Variants in HIPK3 observed in about 807,000 individuals in gnomAD.
HIPK3 encodes homeodomain-interacting protein kinase 3.
A neutral mutation model predicts 124.2 loss-of-function variants in HIPK3; 47 were observed. That is an observed-to-expected ratio of 0.38 (90% confidence interval 0.30 to 0.48). The LOEUF is 0.48. HIPK3 is among the 20% of genes least tolerant of loss of function. The pLI is 0.98. For synonymous variants in HIPK3, 482 were observed against 515.2 expected (o/e 0.94, Z 0.87); for missense variants, 1,286 against 1,454.3 (o/e 0.88, Z 1.88).
intron 1 of HIPK3, among the ~76,000 whole-genome samples, chr11:33,267,496 AT>A (rs1850999735): frequency 7.0e-6 from 1 of 142,486 alleles, no homozygotes; most frequent in East Asian, 2.2e-4. Flanking sequence ...TATTATTATT[AT>A]TATTATTTTT....
chr11:33,264,051 CTA>C (rs896937632), intron 1 of HIPK3, among the ~76,000 whole-genome samples: 6 of 152,166 alleles, frequency 3.9e-5, no homozygotes, highest in Non-Finnish European at 7.4e-5. Flanking sequence ...CTTCTGATAT[CTA>C]TGTCTGTCAC....
At chr11:33,312,589 GAC>G (rs1488184986) in intron 2 of HIPK3, among the ~76,000 whole-genome samples, 1 of 152,218 alleles carries the variant, frequency 6.6e-6, no homozygotes, top group Non-Finnish European at 1.5e-5. Context: ...ACAAATGAGA[GAC>G]AGTTTCTGAT....
intron 2 of HIPK3, among the ~76,000 whole-genome samples, chr11:33,327,331 A>G (rs1298886855): frequency 1.3e-5 from 2 of 152,174 alleles, no homozygotes; most frequent in African/African-American, 4.8e-5. Flanking sequence ...ACATCAGACA[A>G]ACCCACACTG....
rs534169013 is a variant in HIPK3 at position 33,308,110 on chromosome 11, G to A, written c.1098-20400G>A. On this transcript the variant is annotated intron_variant, in intron 2 of 16. Transcript: ENST00000303296. ...GAATTGATTTTTGTGTATGATATGAGGTAGAGATTAAGATGCATTGTTTTC... is the reference window on the plus strand; with the variant it reads ...GAATTGATTTTTGTGTATGATATGAAGTAGAGATTAAGATGCATTGTTTTC... 3.5e-4 allele frequency among the ~76,000 whole-genome samples: 53 copies of A among 152,204 alleles called. 2 individuals carry two copies. In the South Asian group the frequency reaches 1.0e-2, roughly 29 times the overall value.
chr11:33,300,348 C>CA lies in HIPK3; in HGVS notation c.1097+12850dup, dbSNP rs565541023. On this transcript the variant is annotated intron_variant, in intron 2 of 16. Coordinates refer to ENST00000303296, the MANE Select transcript of HIPK3 (RefSeq NM_005734.5). ...GGGTGACAAGAGCAAGACTCCATCG[C>CA]AAAAAAAAAAAAAGAACTTGCAGCC... Among the ~76,000 whole-genome samples, 1,058 of 121,578 alleles carry CA rather than the reference C, an allele frequency of 8.7e-3. 4 individuals carry two copies. Among genetic ancestry groups the CA allele is most frequent in the African/African-American group, 0.023 (761 of 32,892 alleles). The allele number at this position is 121,578 out of a possible 152,430, so 79.8% of individuals were successfully genotyped here.
chr11:33,284,747 A>G (rs528073893), intron 1 of HIPK3, among the ~76,000 whole-genome samples: 1 of 152,358 alleles, frequency 6.6e-6, no homozygotes, highest in South Asian at 2.1e-4. Context: ...GATCATTTGT[A>G]TTAGGATTTT....
rs117727813 is a variant in HIPK3 at position 33,290,109 on chromosome 11, A to C, written c.1097+2598A>C. 1.2e-4 allele frequency among the ~76,000 whole-genome samples: 18 copies of C among 152,316 alleles called. No individual in the cohort carries two copies. In the East Asian group the frequency reaches 3.3e-3, roughly 28 times the overall value. ...TGCCTATTGTGAATAGTCGTGCAGTAAACACTGGATTGTAGATATCTCTTT... is the reference window on the plus strand; with the variant it reads ...TGCCTATTGTGAATAGTCGTGCAGTCAACACTGGATTGTAGATATCTCTTT... On this transcript the variant is annotated intron_variant, in intron 2 of 16. Transcript: ENST00000303296.
intron 2 of HIPK3, among the ~76,000 whole-genome samples, chr11:33,319,419 C>T (rs1852598209): frequency 6.6e-6 from 1 of 151,774 alleles, no homozygotes; most frequent in South Asian, 2.1e-4. Flanking sequence ...TTGCTTGAAC[C>T]CAGGAGGCGG....
chr11:33,267,936 C>G (rs948922980), intron 1 of HIPK3, among the ~76,000 whole-genome samples: 1 of 152,128 alleles, frequency 6.6e-6, no homozygotes, highest in Non-Finnish European at 1.5e-5. Context: ...CTTGGCCAAG[C>G]TTGGTGGCTC....
chr11:33,299,373 G>C (rs1027575991), intron 2 of HIPK3, among the ~76,000 whole-genome samples: 2 of 151,854 alleles, frequency 1.3e-5, no homozygotes, highest in African/African-American at 4.8e-5. Context: ...TCGGGAGGCT[G>C]AGGCAGGAGA....
At chr11:33,342,541 TC>T (rs1853366070) in intron 8 of HIPK3, among the ~76,000 whole-genome samples, 2 of 105,972 alleles carry the variant, frequency 1.9e-5, no homozygotes, top group African/African-American at 6.8e-5. Context: ...GGCTATACAT[TC>T]TTTTTTTTTT....
chr11:33,347,439 A>G (rs1853529688), intron 9 of HIPK3, 25 bp downstream of exon 9: 2 of 1,612,948 alleles, frequency 1.2e-6, no homozygotes, highest in East Asian at 2.2e-5. Context: ...ATTCTTTGCC[A>G]TATATCAGCT....
rs148530680 is a variant in HIPK3, at chr11:33,286,538, C to T, written c.124C>T (p.Arg42Trp). 2,246 of 1,613,838 alleles carry T rather than the reference C, an allele frequency of 1.4e-3. 3 individuals are homozygous for T. Among genetic ancestry groups the T allele is most frequent in the Non-Finnish European group, 1.8e-3 (2,151 of 1,179,988 alleles). The change falls in exon 2 of 17, where the codon CGG becomes TGG. Residue 42 changes from arginine (R) to tryptophan (W), a missense_variant. Physicochemically the swap from Arg to Trp is moderately radical, Grantham distance 101. Coordinates refer to ENST00000303296, the MANE Select transcript of HIPK3 (RefSeq NM_005734.5). ...TGTATTCCAGGAAAGAAACTATCCACGGACCTATGTGAATGGTAGAAACTT... is the reference window on the plus strand; with the variant it reads ...TGTATTCCAGGAAAGAAACTATCCATGGACCTATGTGAATGGTAGAAACTT... ...SCVFQERNYPRTYVNGRNFGN... is the reference protein window; with the variant it reads ...SCVFQERNYPWTYVNGRNFGN...
At position 33,341,178 on chromosome 11, in the gene HIPK3, C is replaced by T. The variant is rs752309378; in HGVS notation, c.1773+51C>T. ...TTAGGGTCTTTTTTTAATGATTGCG[C>T]ATTTTACTTTTGATATATACAGAAG... On this transcript the variant is annotated intron_variant, in intron 7 of 16. Coordinates refer to ENST00000303296, the MANE Select transcript of HIPK3 (RefSeq NM_005734.5). The T allele has an allele frequency of 5.5e-5, 71 of 1,281,778 alleles. No homozygotes were observed. The East Asian group carries it at 1.2e-3, about 22-fold the overall frequency. 79.4% of individuals were successfully genotyped at this position (1,281,778 alleles called of 1,614,324 possible).
Position 33,347,955 on chromosome 11 carries a change from G to T in HIPK3, c.2248G>T (p.Ala750Ser), listed in dbSNP as rs573470200. The change falls in exon 11 of 17, where the codon GCA becomes TCA. Residue 750 changes from alanine to serine, a missense_variant. This residue lies in a region of HIPK3 where 810 missense variants were observed against 864.9 expected (regional missense o/e 0.94). Transcript: ENST00000303296. ...CCCTCAGCCAGTTAGTGTGGGGATT[G>T]CACATGTTGTCTGGCCTCAGCCTGC... ...SAPQPVSVGI[A>S]HVVWPQPATT... The T allele has an allele frequency of 2.5e-6, 4 of 1,614,182 alleles. No individual in the cohort carries two copies. The highest frequency in any genetic ancestry group is 3.4e-6 in the Non-Finnish European group (4 of 1,180,022).
intron 2 of HIPK3, among the ~76,000 whole-genome samples, chr11:33,322,641 T>C (rs1425028745): frequency 6.6e-6 from 1 of 151,974 alleles, no homozygotes; most frequent in Non-Finnish European, 1.5e-5. Flanking sequence ...GCCTGGCCAA[T>C]GTGGCGAAAC....
intron 1 of HIPK3, among the ~76,000 whole-genome samples, chr11:33,259,647 T>C (rs1850771766): frequency 6.6e-6 from 1 of 152,188 alleles, no homozygotes; most frequent in Non-Finnish European, 1.5e-5. Context: ...CTATAATGCT[T>C]AACCTGTTTG....
chr11:33,300,307 C>T (rs1262780326), intron 2 of HIPK3, among the ~76,000 whole-genome samples: 1 of 151,302 alleles, frequency 6.6e-6, no homozygotes, highest in African/African-American at 2.4e-5. Flanking sequence ...GAGATCTTGC[C>T]AGTGCACTCC....
intron 2 of HIPK3, among the ~76,000 whole-genome samples, chr11:33,310,107 A>G (rs1484435286): frequency 2.6e-5 from 4 of 152,064 alleles, no homozygotes; most frequent in East Asian, 3.9e-4. Flanking sequence ...GCATTTGATT[A>G]TATTTCTTGT....
Sources: gnomAD v4.1 joint callset for allele counts (sites outside exome capture counted in the v4.1 genomes callset) on GRCh38, gnomAD v4.1.1 for gene constraint, gnomAD v4.1.1 regional missense constraint, MANE v1.5 for transcripts, NCBI Gene and HGNC (gene_info 2026-07-23, HGNC 2026-07-21) for gene names.